The following TKFC variants were observed in gnomAD, a reference collection of about 807,000 sequenced individuals.
The protein encoded by TKFC is triokinase/FMN cyclase.
A neutral mutation model predicts 61.0 loss-of-function variants in TKFC; 46 were observed. That is an observed-to-expected ratio of 0.75 (90% CI 0.60 to 0.96). TKFC has a LOEUF of 0.96. Ranked by LOEUF, TKFC falls within the 50% of genes least tolerant of loss-of-function variation. The pLI is 0.00. For missense variants in TKFC, 715 were observed against 777.5 expected, an observed-to-expected ratio of 0.92 and a Z score of 0.96; for synonymous variants, 314 against 330.1, an observed-to-expected ratio of 0.95 and a Z score of 0.53.
chr11:61,336,216 C>G (rs1054652951), intron 2 of TKFC: 2 of 154,508 alleles, frequency 1.3e-5, no homozygotes, highest in African/African-American at 2.4e-5. Flanking sequence ...CTAGGCTACT[C>G]TGAAGCAGGT....
At chr11:61,339,904 GT>G (rs1296842362) in intron 5 of TKFC, among the ~76,000 whole-genome samples, 4 of 152,000 alleles carry the variant, frequency 2.6e-5, no homozygotes, top group African/African-American at 9.7e-5. Flanking sequence ...GCCTTCTTGG[GT>G]GCCTACAATC....
chr11:61,343,790 G>T, intron 11 of TKFC, 66 bp from the exon 12 acceptor site: 2 of 1,560,064 alleles, frequency 1.3e-6, no homozygotes, highest in South Asian at 1.2e-5. Flanking sequence ...AGGATGGGAG[G>T]GTCCAAGCCC....
Position 61,345,354 on chromosome 11 carries a change from C to T in TKFC, c.1335C>T (p.Gly445=), listed in dbSNP as rs769997170. The T allele has an allele frequency of 7.5e-6, 12 of 1,602,700 alleles. No homozygotes were observed. The East Asian group carries it at 2.7e-4, about 36-fold the overall frequency. Reference sequence around the variant, plus strand: ...TCCTGCTCCTGGAGAAGATGGGAGGCTCATCTGGGGCGGTGGGTGCCTGGG... The same window carrying T: ...TCCTGCTCCTGGAGAAGATGGGAGGTTCATCTGGGGCGGTGGGTGCCTGGG... ...LSVLLLEKMG[G]SSGALYGLFL... Residue 445 remains glycine (G), a synonymous_variant, in exon 14 of 18, where the codon GGC becomes GGT. Coordinates refer to ENST00000394900, the MANE Select transcript of TKFC (RefSeq NM_015533.4).
In TKFC at chr11:61,343,867, ACTGCAGCAGCCTGG is replaced by A. The variant is rs1360788496; in HGVS notation, c.996_1009del (p.Ala333Ter). The A allele has an allele frequency of 6.2e-7, 1 of 1,609,376 alleles. No homozygotes were observed. The highest frequency in any genetic ancestry group is 8.5e-7 in the Non-Finnish European group (1 of 1,179,630). Reference sequence around the variant, plus strand: ...CTTGCTGCCCTTAGATGCTGAAACCACTGCAGCAGCCTGGCCTAACGTGGCTGCAGTCTCCATTA... The same window carrying A: ...CTTGCTGCCCTTAGATGCTGAAACCACCTAACGTGGCTGCAGTCTCCATTA... On this transcript the variant is annotated frameshift_variant, in exon 12 of 18. Transcript: ENST00000394900. LOFTEE classifies it high-confidence loss of function.
At chr11:61,338,792 G>A (rs770997807) in intron 3 of TKFC, among the ~76,000 whole-genome samples, 5 of 152,116 alleles carry the variant, frequency 3.3e-5, no homozygotes, top group Non-Finnish European at 5.9e-5. Flanking sequence ...CATTTCAGAG[G>A]GTGCTAAGTG....
In TKFC at chr11:61,345,877, G is replaced by C; in HGVS notation, c.1506G>C (p.Ala502=). 6.2e-7 allele frequency: 1 copy of C among 1,614,168 alleles called. No individual in the cohort carries two copies. The highest frequency in any genetic ancestry group is 1.1e-5 in the South Asian group (1 of 91,084). Residue 502 remains alanine (A), a synonymous_variant, in exon 17 of 18, where the codon GCG becomes GCC. Coordinates refer to ENST00000394900, the MANE Select transcript of TKFC (RefSeq NM_015533.4). Reference sequence around the variant, plus strand: ...TCCAGCTGGATTCTCTGTGGGCAGCGGGGCAGGAGCTCCAAGCCTGGAAGA... The same window carrying C: ...TCCAGCTGGATTCTCTGTGGGCAGCCGGGCAGGAGCTCCAAGCCTGGAAGA... ...DRTMLDSLWA[A]GQELQAWKSP...
intron 3 of TKFC, among the ~76,000 whole-genome samples, 195 bp downstream of exon 3, chr11:61,338,325 A>C (rs535555986): frequency 6.6e-6 from 1 of 152,208 alleles, no homozygotes; most frequent in Non-Finnish European, 1.5e-5. Flanking sequence ...TACATCTACA[A>C]ATCTACGAAG....
rs754234400 is a variant in TKFC at position 61,339,129 on chromosome 11, T to C, written c.257T>C (p.Val86Ala). The C allele has an allele frequency of 1.2e-6, 2 of 1,613,772 alleles. No homozygotes were observed. Among genetic ancestry groups the C allele is most frequent in the Non-Finnish European group, 1.7e-6 (2 of 1,179,990 alleles). Residue 86 changes from valine (V) to alanine (A), a missense_variant, in exon 4 of 18, where the codon GTG (valine) becomes GCG (alanine). Coordinates refer to ENST00000394900, the MANE Select transcript of TKFC (RefSeq NM_015533.4). ...IAGAVFTSPA[V>A]GSILAAIRAV... ...GGAGCTGTGTTCACCTCCCCGGCAG[T>C]GGGCAGCATCCTGGCAGCCATCAGG... is the stretch of plus-strand genomic sequence containing the variant.
In TKFC at chr11:61,345,370, G is replaced by T. The variant is rs1365852234; in HGVS notation, c.1347+4G>T. The T allele has an allele frequency of 6.3e-7, 1 of 1,599,024 alleles. No homozygotes were observed. Among genetic ancestry groups the T allele is most frequent in the Admixed American group, 1.7e-5 (1 of 59,480 alleles). ...GATGGGAGGCTCATCTGGGGCGGTG[G>T]GTGCCTGGGGGCTGAAGGGCTGACA... is the stretch of plus-strand genomic sequence containing the variant. On this transcript the variant is annotated splice_donor_region_variant and intron_variant, in intron 14 of 17. Coordinates refer to ENST00000394900, the MANE Select transcript of TKFC (RefSeq NM_015533.4).
chr11:61,344,338 T>A, intron 13 of TKFC, 65 bp downstream of exon 13: 1 of 1,544,992 alleles, frequency 6.5e-7, no homozygotes, highest in East Asian at 2.3e-5. Flanking sequence ...TCCACTTGTT[T>A]CCCTGAAGGC....
rs1446648523 is a variant in TKFC, at chr11:61,346,373, C to T, written c.1598C>T (p.Ala533Val). The change falls in exon 18 of 18, where the codon GCC becomes GTC. Residue 533 changes from alanine to valine, a missense_variant. Ala to Val is a moderately conservative substitution (Grantham distance 64). Transcript: ENST00000394900. This position sits in a 1 kb window ranked among gnomAD's most constrained non-coding sequence, Gnocchi z 4.1. ...CAGAGTGCCGAAGCTGCAGCCGAGGCCACCAAGAATATGGAAGCTGGAGCC... is the reference window on the plus strand; with the variant it reads ...CAGAGTGCCGAAGCTGCAGCCGAGGTCACCAAGAATATGGAAGCTGGAGCC... ...AVKSAEAAAEATKNMEAGAGR... is the reference protein window; with the variant it reads ...AVKSAEAAAEVTKNMEAGAGR... 1 of 1,612,650 alleles carries T rather than the reference C, an allele frequency of 6.2e-7. No homozygotes were observed. The highest frequency in any genetic ancestry group is 8.5e-7 in the Non-Finnish European group (1 of 1,179,982).
downstream of TKFC, chr11:61,350,210 G>A (rs1322852575): frequency 5.6e-6 from 4 of 709,416 alleles, no homozygotes; most frequent in East Asian, 1.1e-4. Context: ...CCCAGGCAAA[G>A]CCACCAAGGA....
intron 5 of TKFC, 55 bp from the exon 6 acceptor site, chr11:61,341,381 C>A (rs1014074907): frequency 3.3e-6 from 5 of 1,537,946 alleles, no homozygotes; most frequent in South Asian, 2.4e-5. Context: ...TCTTCTACCC[C>A]ACATGGTACA....
chr11:61,345,039 C>T (rs1379199396), intron 13 of TKFC, among the ~76,000 whole-genome samples: 2 of 152,210 alleles, frequency 1.3e-5, no homozygotes, highest in Admixed American at 6.5e-5. Flanking sequence ...GAGTACAGAG[C>T]GTCAAGTGGA....
chr11:61,349,775 C>CCAT, downstream of TKFC: 1 of 642,856 alleles, frequency 1.6e-6, no homozygotes, highest in Non-Finnish European at 2.9e-6. Context: ...TGCAATCACC[C>CCAT]CATGATGTCT....
Position 61,348,388 on chromosome 11 carries a change from C to T in TKFC, c.*1885C>T. The stretch of plus-strand genomic sequence containing the variant: ...GATCTTTGGTGCCTTCCGGTTGGCC[C>T]CTCCCTAGGTCTGTGAGGGTCAGAC... On this transcript the variant is annotated 3_prime_UTR_variant, in exon 18 of 18. Coordinates refer to ENST00000394900, the MANE Select transcript of TKFC (RefSeq NM_015533.4). The T allele has an allele frequency of 3.0e-6, 3 of 984,970 alleles. No individual in the cohort carries two copies. Among genetic ancestry groups the T allele is most frequent in the Non-Finnish European group, 3.6e-6 (3 of 829,588 alleles). 61.0% of individuals were successfully genotyped at this position (984,970 alleles called of 1,614,324 possible). A position where few individuals can be genotyped will look rare whatever the true frequency, so the allele number is the denominator to read the frequency against.
At chr11:61,350,843 A>G (rs1340336237), downstream of TKFC, 2 of 1,192,014 alleles carry the variant, frequency 1.7e-6, no homozygotes, top group East Asian at 5.3e-5. Context: ...AGTGCTCCCC[A>G]TCAGCCACCC....
downstream of TKFC, chr11:61,353,028 C>T (rs375115347): frequency 4.2e-5 from 67 of 1,613,956 alleles, no homozygotes; most frequent in East Asian, 1.1e-4. Flanking sequence ...ATGACGGATG[C>T]GATGGACAGA....
chr11:61,346,540 A>G lies in TKFC; in HGVS notation c.*37A>G. On this transcript the variant is annotated 3_prime_UTR_variant, in exon 18 of 18. Transcript: ENST00000394900. This position sits in a 1 kb window ranked among gnomAD's most constrained non-coding sequence, Gnocchi z 4.1. ...GCCTCCCTTGGCCTCAGCTCCTCTC[A>G]CTGCTGTGCTGAGGTGGCCTTTGTC... 2 of 1,522,400 alleles carry G rather than the reference A, an allele frequency of 1.3e-6. No homozygotes were observed. Among genetic ancestry groups the G allele is most frequent in the Non-Finnish European group, 1.8e-6 (2 of 1,134,986 alleles). The allele number at this position is 1,522,400 out of a possible 1,614,324, so 94.3% of individuals were successfully genotyped here.
Sources: allele counts gnomAD v4.1 joint callset (sites outside exome capture counted in the v4.1 genomes callset), GRCh38; gene constraint gnomAD v4.1.1; non-coding constraint Gnocchi (gnomAD v3.1); transcripts MANE v1.5; gene names NCBI Gene and HGNC (gene_info 2026-07-23, HGNC 2026-07-21).